SNX7: variants seen among roughly 807,000 people sequenced by gnomAD.
The protein encoded by SNX7 is sorting nexin-7.
In SNX7, 35 loss-of-function variants were observed where a neutral mutation model predicts 48.4. The observed-to-expected ratio is 0.72, with a 90% CI of 0.55 to 0.96. The LOEUF (loss-of-function observed/expected upper bound fraction) is 0.96. Among genes scored for constraint, SNX7 ranks in the 40% least tolerant of loss-of-function variants. SNX7 has a pLI of 0.00. For missense variants in SNX7, 553 were observed against 548.9 expected (o/e 1.01, Z -0.07); for synonymous variants, 190 against 190.2 (o/e 1.00, Z 0.01).
At chr1:98,699,738 T>C (rs1390207262) in intron 6 of SNX7, among the ~76,000 whole-genome samples, 1 of 152,226 alleles carries the variant, frequency 6.6e-6, no homozygotes, top group Non-Finnish European at 1.5e-5. Flanking sequence ...TCTGAAAAGC[T>C]CACTTTGTGT....
chr1:98,704,448 A>T (rs548189928), intron 7 of SNX7, among the ~76,000 whole-genome samples: 4 of 152,294 alleles, frequency 2.6e-5, no homozygotes, highest in African/African-American at 7.2e-5. Context: ...TCAAATAATT[A>T]ATTTGTTTAT....
At chr1:98,691,030 CTATCT>C in intron 2 of SNX7, 40 bp from the exon 3 acceptor site, 1 of 1,306,374 alleles carries the variant, frequency 7.7e-7, no homozygotes, top group African/African-American at 1.5e-5. Flanking sequence ...CAAATACCTT[CTATCT>C]TATATTGCAT....
chr1:98,663,252 GGTTTTTT>G lies in SNX7; in HGVS notation c.180+1342_180+1348del, dbSNP rs1344985811. Among the ~76,000 whole-genome samples the G allele has an allele frequency of 5.5e-3, 459 of 83,122 alleles. 44 individuals carry two copies. The highest frequency in any genetic ancestry group is 0.023 in the Middle Eastern group (4 of 172). The allele number at this position is 83,122 out of a possible 152,430, so 54.5% of individuals were successfully genotyped here. A position where few individuals can be genotyped will look rare whatever the true frequency, so the allele number is the denominator to read the frequency against. ...ATCAGAATCATCAGGGTTTCTTTCT[GGTTTTTT>G]TTTTTTTTTTTTTTTTTTTTTTTTT... is the stretch of plus-strand genomic sequence containing the variant. On this transcript the variant is annotated intron_variant, in intron 1 of 8. Coordinates refer to ENST00000306121, the MANE Select transcript of SNX7 (RefSeq NM_015976.5).
rs1053095426 is a variant in SNX7, at chr1:98,738,339, A to T, written c.1228A>T (p.Lys410Ter). 1.2e-6 allele frequency: 2 copies of T among 1,613,226 alleles called. No individual in the cohort carries two copies. The highest frequency in any genetic ancestry group is 1.7e-6 in the Non-Finnish European group (2 of 1,179,476). Residue 410 changes from lysine (K) to a stop codon, truncating the protein, a stop_gained, in exon 8 of 9, where the codon AAG (lysine) becomes TAG (stop). Coordinates refer to ENST00000306121, the MANE Select transcript of SNX7 (RefSeq NM_015976.5). LOFTEE classifies it low-confidence loss of function (END_TRUNC). ...RWKQNMQNDI[K>*]LAFTDMAEEN... ...GAAACAAAATATGCAAAATGATATC[A>T]AGTTAGCATTTACAGATATGGCTGA...
intron 4 of SNX7, among the ~76,000 whole-genome samples, chr1:98,692,564 G>A (rs1473685233): frequency 2.0e-5 from 3 of 151,946 alleles, no homozygotes; most frequent in Non-Finnish European, 4.4e-5. Flanking sequence ...AAAATACATG[G>A]GAACCACAAG....
At chr1:98,759,933 G>A in intron 8 of SNX7, 121 bp from the exon 9 acceptor site, 1 of 638,676 alleles carries the variant, frequency 1.6e-6, no homozygotes, top group Non-Finnish European at 2.8e-6. Flanking sequence ...ATTCTGACAA[G>A]CTGATGGGAG....
chr1:98,694,000 T>C (rs1208326168), intron 4 of SNX7, among the ~76,000 whole-genome samples: 1 of 152,216 alleles, frequency 6.6e-6, no homozygotes, highest in Non-Finnish European at 1.5e-5. Context: ...TATTCTTTTA[T>C]AGGATGTTTT....
chr1:98,667,556 A>G (rs79627614), intron 1 of SNX7, among the ~76,000 whole-genome samples: 1 of 147,758 alleles, frequency 6.8e-6, no homozygotes, highest in Non-Finnish European at 1.5e-5. Flanking sequence ...TTTTTTTTGT[A>G]TTTTTAGTAG....
intron 8 of SNX7, 52 bp from the exon 9 acceptor site, chr1:98,760,002 C>A: frequency 1.7e-6 from 2 of 1,176,418 alleles, no homozygotes; most frequent in Non-Finnish European, 2.6e-6. Context: ...AATCCTTTAA[C>A]ACTGAAAGTA....
rs1651603112 is a variant in SNX7 at position 98,698,870 on chromosome 1, G to A, written c.1003G>A (p.Val335Ile). The change falls in exon 6 of 9, where the codon GTA becomes ATA. Residue 335 changes from valine (V) to isoleucine (I), a missense_variant. Transcript: ENST00000306121. ...ACTCTCAGAGGCCCTGCTTCCTGTT[G>A]TACATGAGTACGTGCTTTATAGTGA... ...SGLSEALLPVVHEYVLYSEML... is the reference protein window; with the variant it reads ...SGLSEALLPVIHEYVLYSEML... The A allele has an allele frequency of 5.0e-6, 8 of 1,613,564 alleles. No homozygotes were observed. The highest frequency in any genetic ancestry group is 2.7e-5 in the African/African-American group (2 of 74,860).
intron 8 of SNX7, among the ~76,000 whole-genome samples, chr1:98,756,150 A>T (rs1052494477): frequency 1.3e-5 from 2 of 151,970 alleles, no homozygotes; most frequent in Non-Finnish European, 2.9e-5. Context: ...AATTTATCAT[A>T]GTCTACCTTC....
intron 1 of SNX7, among the ~76,000 whole-genome samples, chr1:98,675,441 T>C (rs1570493738): frequency 6.6e-6 from 1 of 152,174 alleles, no homozygotes; most frequent in Admixed American, 6.5e-5. Flanking sequence ...CTTTGCTAGA[T>C]ATCGAAGCAT....
At chr1:98,737,115 CT>C (rs1653821044) in intron 7 of SNX7, among the ~76,000 whole-genome samples, 2 of 151,736 alleles carry the variant, frequency 1.3e-5, no homozygotes, top group African/African-American at 4.8e-5. Context: ...CCATGCTGGT[CT>C]TTCCGTTCTT....
intron 2 of SNX7, among the ~76,000 whole-genome samples, chr1:98,686,989 T>C (rs903026294): frequency 6.6e-6 from 1 of 152,192 alleles, no homozygotes; most frequent in Non-Finnish European, 1.5e-5. Flanking sequence ...AGTTTTTCTA[T>C]TTACACATAC....
At chr1:98,726,641 T>C (rs1416942389) in intron 7 of SNX7, among the ~76,000 whole-genome samples, 1 of 144,570 alleles carries the variant, frequency 6.9e-6, no homozygotes, top group Admixed American at 6.9e-5. Context: ...TATGGAGATA[T>C]ATTTCCTTTT....
At chr1:98,669,104 C>G (rs1161887088) in intron 1 of SNX7, among the ~76,000 whole-genome samples, 1 of 152,180 alleles carries the variant, frequency 6.6e-6, no homozygotes, top group African/African-American at 2.4e-5. Context: ...CTTAATTTCT[C>G]TTCCCCAACC....
intron 8 of SNX7, among the ~76,000 whole-genome samples, chr1:98,756,289 A>G (rs1487020398): frequency 6.6e-6 from 1 of 151,710 alleles, no homozygotes; most frequent in Non-Finnish European, 1.5e-5. Context: ...AGATTTTGCT[A>G]TTTTTAATTC....
At chr1:98,697,669 A>C (rs376430763) in intron 5 of SNX7, among the ~76,000 whole-genome samples, 2 of 152,186 alleles carry the variant, frequency 1.3e-5, no homozygotes, top group Admixed American at 6.5e-5. Context: ...GGTTTGAGAT[A>C]GAAAAATAAT....
At chr1:98,668,291 T>C (rs1446434435) in intron 1 of SNX7, among the ~76,000 whole-genome samples, 1 of 152,208 alleles carries the variant, frequency 6.6e-6, no homozygotes, top group African/African-American at 2.4e-5. Flanking sequence ...ACACCATATT[T>C]TCAAGGTCAT....
Sources: allele counts gnomAD v4.1 joint callset (sites outside exome capture counted in the v4.1 genomes callset), GRCh38; gene constraint gnomAD v4.1.1; transcripts MANE v1.5; gene names NCBI Gene and HGNC (gene_info 2026-07-23, HGNC 2026-07-21).